CNTN4: variants seen among roughly 807,000 people sequenced by gnomAD.
CNTN4 encodes the protein contactin 4.
CNTN4 carries 77 observed loss-of-function variants against 122.5 expected under a neutral mutation model. The ratio of observed to expected loss-of-function variants is 0.63; its 90% CI spans 0.52 to 0.76. The LOEUF (loss-of-function observed/expected upper bound fraction) is 0.76. Among genes scored for constraint, CNTN4 ranks in the 30% least tolerant of loss-of-function variants. CNTN4 has a pLI of 0.00. For synonymous variants in CNTN4, 512 were observed against 447.0 expected, an observed-to-expected ratio of 1.15 and a Z score of -1.83; for missense variants, 1,256 against 1,259.1, an observed-to-expected ratio of 1.00 and a Z score of 0.04.
chr3:2,732,927 G>A (rs1010592796), intron 4 of CNTN4, among the ~76,000 whole-genome samples: 1 of 152,128 alleles, frequency 6.6e-6, no homozygotes, highest in Non-Finnish European at 1.5e-5. Context: ...TAATTTTCAG[G>A]CAGTGAGCTT....
At chr3:2,481,673 G>T (rs952403555) in intron 3 of CNTN4, among the ~76,000 whole-genome samples, 2 of 152,100 alleles carry the variant, frequency 1.3e-5, no homozygotes, top group Non-Finnish European at 2.9e-5. Flanking sequence ...ATCTTGAATT[G>T]TAATCACATA....
At chr3:2,863,650 C>G (rs967498588) in intron 7 of CNTN4, among the ~76,000 whole-genome samples, 2 of 151,952 alleles carry the variant, frequency 1.3e-5, no homozygotes, top group African/African-American at 4.8e-5. Flanking sequence ...CTAATTGGTA[C>G]AGCGTTTCCC....
In CNTN4 at chr3:2,181,573, A is replaced by G. The variant is rs117515460; in HGVS notation, c.-145+80934A>G. On this transcript the variant is annotated intron_variant, in intron 2 of 24. Coordinates refer to ENST00000418658, the MANE Select transcript of CNTN4 (RefSeq NM_175607.3). ...GTCCCCTGACTACTAATCCAGTGCA[A>G]TTTCCTCCTGTAACTTTGCTGCCTT... Among the ~76,000 whole-genome samples, 185 of 152,190 alleles carry G rather than the reference A, an allele frequency of 1.2e-3. 4 individuals are homozygous for G. The East Asian group carries it at 0.035, about 29-fold the overall frequency.
intron 3 of CNTN4, among the ~76,000 whole-genome samples, chr3:2,506,927 C>T (rs1559616752): frequency 6.6e-6 from 1 of 151,840 alleles, no homozygotes; most frequent in Non-Finnish European, 1.5e-5. Context: ...GATCATGCCT[C>T]CAGTCATGTG....
chr3:2,752,773 C>A (rs2090157136), intron 6 of CNTN4, among the ~76,000 whole-genome samples: 1 of 152,124 alleles, frequency 6.6e-6, no homozygotes, highest in Admixed American at 6.5e-5. Flanking sequence ...TCCTCCCTTC[C>A]CCACCTCTAG....
chr3:2,580,932 C>A (rs2079907340), intron 4 of CNTN4, among the ~76,000 whole-genome samples: 1 of 152,120 alleles, frequency 6.6e-6, no homozygotes, highest in Non-Finnish European at 1.5e-5. Context: ...TTTAGGTCTG[C>A]CCAGGTCCAA....
At chr3:2,380,083 G>C (rs1227715230) in intron 3 of CNTN4, among the ~76,000 whole-genome samples, 1 of 150,182 alleles carries the variant, frequency 6.7e-6, no homozygotes, top group Non-Finnish European at 1.5e-5. Flanking sequence ...AAATCATAGG[G>C]TTTTGGTGAT....
chr3:2,925,145 AC>A (rs1446989041), intron 12 of CNTN4, among the ~76,000 whole-genome samples: 6 of 152,200 alleles, frequency 3.9e-5, no homozygotes, highest in Admixed American at 2.6e-4. Flanking sequence ...TGTACCTTTT[AC>A]CAAATGCAAA....
chr3:2,385,806 C>G lies in CNTN4; in HGVS notation c.-89+46573C>G, dbSNP rs1380237262. On this transcript the variant is annotated intron_variant, in intron 3 of 24. Transcript: ENST00000418658. The surrounding 1 kb of genome is among the most constrained non-coding windows in gnomAD (Gnocchi z 4.0). ...TTAACTTGGTTACATTTGCAAAGAC[C>G]CTGCTTCCAAATAAGGTCACATTCA... Among the ~76,000 whole-genome samples, 3 of 151,976 alleles carry G rather than the reference C, an allele frequency of 2.0e-5. No homozygotes were observed. Among genetic ancestry groups the G allele is most frequent in the African/African-American group, 7.2e-5 (3 of 41,414 alleles).
intron 2 of CNTN4, among the ~76,000 whole-genome samples, chr3:2,289,195 T>C (rs1023992538): frequency 1.3e-5 from 2 of 152,172 alleles, no homozygotes; most frequent in Non-Finnish European, 2.9e-5. Context: ...AAAAGAAATA[T>C]TTTAGATGAT....
At chr3:2,604,608 G>C (rs1278804825) in intron 4 of CNTN4, among the ~76,000 whole-genome samples, 4 of 152,138 alleles carry the variant, frequency 2.6e-5, no homozygotes, top group Non-Finnish European at 5.9e-5. Context: ...AGTAGGTGAA[G>C]GTTTCTAGAT....
intron 2 of CNTN4, among the ~76,000 whole-genome samples, chr3:2,122,366 A>G (rs2033860335): frequency 6.6e-6 from 1 of 152,156 alleles, no homozygotes; most frequent in African/African-American, 2.4e-5. Context: ...AGTTAAAAAA[A>G]TCTGAATGCT....
intron 2 of CNTN4, among the ~76,000 whole-genome samples, chr3:2,271,170 G>A (rs1459822171): frequency 6.6e-6 from 1 of 152,084 alleles, no homozygotes; most frequent in East Asian, 1.9e-4. Context: ...GGACAAATGT[G>A]ATGTCCTTTC....
intron 2 of CNTN4, among the ~76,000 whole-genome samples, chr3:2,169,505 C>T (rs2036353105): frequency 6.6e-6 from 1 of 151,220 alleles, no homozygotes; most frequent in South Asian, 2.1e-4. Context: ...CTCCCGGGTT[C>T]CCGCCATTCT....
chr3:2,875,635 C>A (rs991108532), intron 8 of CNTN4, among the ~76,000 whole-genome samples: 3 of 152,158 alleles, frequency 2.0e-5, no homozygotes, highest in Non-Finnish European at 4.4e-5. Context: ...AGATAAAATT[C>A]TTATTTTCTG....
chr3:2,552,617 G>C (rs1185524859), intron 3 of CNTN4, among the ~76,000 whole-genome samples: 1 of 152,218 alleles, frequency 6.6e-6, no homozygotes, highest in Non-Finnish European at 1.5e-5. Context: ...ATTATTCAGA[G>C]AAGTGGTAAC....
At chr3:2,452,466 C>T (rs894460446) in intron 3 of CNTN4, among the ~76,000 whole-genome samples, 9 of 152,118 alleles carry the variant, frequency 5.9e-5, no homozygotes, top group African/African-American at 2.2e-4. Flanking sequence ...CTTAGTCTGG[C>T]ATGATTAGAG....
At chr3:2,459,679 A>G (rs2049130705) in intron 3 of CNTN4, among the ~76,000 whole-genome samples, 4 of 152,070 alleles carry the variant, frequency 2.6e-5, no homozygotes. Flanking sequence ...GGTACTAAAG[A>G]CAGCTCAAAG....
intron 7 of CNTN4, among the ~76,000 whole-genome samples, chr3:2,831,886 C>T (rs1447647979): frequency 6.6e-6 from 1 of 152,154 alleles, no homozygotes; most frequent in Non-Finnish European, 1.5e-5. Context: ...GTTTGAAGCC[C>T]AGTTCTTATC....
Sources: allele counts gnomAD v4.1 joint callset (sites outside exome capture counted in the v4.1 genomes callset), GRCh38; gene constraint gnomAD v4.1.1; non-coding constraint Gnocchi (gnomAD v3.1); transcripts MANE v1.5; gene names NCBI Gene and HGNC (gene_info 2026-07-23, HGNC 2026-07-21).